LILRB2: variants seen among roughly 807,000 people sequenced by gnomAD.
LILRB2 encodes the protein leukocyte immunoglobulin-like receptor subfamily B member 2.
LILRB2 carries 47 observed loss-of-function variants against 72.7 expected under a neutral mutation model. The observed-to-expected ratio is 0.65, with a 90% CI of 0.51 to 0.82. The LOEUF (loss-of-function observed/expected upper bound fraction) is 0.82, where lower values mean the gene tolerates loss of function less well. LILRB2 is among the 40% of genes least tolerant of loss of function. The pLI is 0.00. For synonymous variants in LILRB2, 279 were observed against 313.7 expected (o/e 0.89, Z 1.17); for missense variants, 767 against 764.8 (o/e 1.00, Z -0.03).
Position 54,281,066 on chromosome 19 carries a change from G to T in LILRB2, c.-154C>A, listed in dbSNP as rs1430512361. ...GAAGCATCTCGCCTCTGGCTGTGCT[G>T]TCCAGGTTGAGCTGTGTGTGGCAGT... On this transcript the variant is annotated 5_prime_UTR_variant, in exon 1 of 14. Coordinates refer to ENST00000314446, the MANE Select transcript of LILRB2 (RefSeq NM_001080978.4). The T allele has an allele frequency of 6.5e-6, 3 of 458,492 alleles. No individual in the cohort carries two copies. Among genetic ancestry groups the T allele is most frequent in the Non-Finnish European group, 1.3e-5 (3 of 234,158 alleles). The allele number at this position is 458,492 out of a possible 1,614,324, so 28.4% of individuals were successfully genotyped here.
At chr19:54,275,023 G>T (rs183838614) in intron 13 of LILRB2, 194 bp from the exon 14 acceptor site, 17,402 of 1,597,154 alleles carry the variant, frequency 0.011, 164 homozygotes, top group Non-Finnish European at 0.013. Flanking sequence ...GTGTTTCACC[G>T]GGGCATATGT....
intron 12 of LILRB2, 106 bp downstream of exon 12, chr19:54,276,158 A>T: frequency 6.4e-7 from 1 of 1,555,830 alleles, no homozygotes; most frequent in Non-Finnish European, 8.8e-7. Context: ...AGATGATCTC[A>T]CCCTGAGCCC....
intron 9 of LILRB2, chr19:54,277,337 G>C: frequency 4.2e-6 from 5 of 1,204,686 alleles, no homozygotes; most frequent in Non-Finnish European, 5.9e-6. Flanking sequence ...TCCCTGAGGG[G>C]CCTCCTCTCC....
Position 54,276,875 on chromosome 19 carries a change from A to G in LILRB2, c.1412T>C (p.Leu471Pro). 1 of 1,614,066 alleles carries G rather than the reference A, an allele frequency of 6.2e-7. No individual in the cohort carries two copies. Among genetic ancestry groups the G allele is most frequent in the Non-Finnish European group, 8.5e-7 (1 of 1,179,974 alleles). Reference sequence around the variant, plus strand: ...GAAGAGGAGGAGGAGGAGGAGGAGCAGTAGGACGACGGCCACCAAGATGCC... The same window carrying G: ...GAAGAGGAGGAGGAGGAGGAGGAGCGGTAGGACGACGGCCACCAAGATGCC... ...VIGILVAVVL[L>P]LLLLLLLFLI... The change falls in exon 10 of 14, where the codon CTG (leucine) becomes CCG (proline). Residue 471 changes from leucine (L) to proline (P), a missense_variant. Leu to Pro is a moderately conservative substitution (Grantham distance 98, BLOSUM62 -3). Around this residue, in one of 3 missense-constraint regions of LILRB2, gnomAD observed 162 missense variants for 176.7 expected, o/e 0.92. Transcript: ENST00000314446.
At position 54,277,196 on chromosome 19, in the gene LILRB2, G is replaced by A. The variant is rs1473105879; in HGVS notation, c.1358-267C>T. ...CAGCCCTTGTTCCTGCACCAGAGCC[G>A]AGCCCCGGAGCTGCAGGGAAAGAGC... On this transcript the variant is annotated intron_variant, in intron 9 of 13. Transcript: ENST00000314446. The A allele has an allele frequency of 1.2e-5, 19 of 1,529,132 alleles. No homozygotes were observed. In the Middle Eastern group the frequency reaches 6.5e-4, roughly 52 times the overall value. The allele number at this position is 1,529,132 out of a possible 1,614,324, so 94.7% of individuals were successfully genotyped here.
At position 54,280,297 on chromosome 19, in the gene LILRB2, GC is replaced by G; in HGVS notation, c.36del (p.Leu13Ter). 6.2e-7 allele frequency: 1 copy of G among 1,614,154 alleles called. No homozygotes were observed. Among genetic ancestry groups the G allele is most frequent in the Non-Finnish European group, 8.5e-7 (1 of 1,180,002 alleles). The stretch of plus-strand genomic sequence containing the variant: ...ACGCGGGTCCTGGGGCCCAGACTCA[GC>G]CCTGGAAGAGAGTTCCCTGTGAGGG... ...TPIVTVLICL[G>X]LSLGPRTRVQ... On this transcript the variant is annotated frameshift_variant and splice_region_variant, in exon 3 of 14. Coordinates refer to ENST00000314446, the MANE Select transcript of LILRB2 (RefSeq NM_001080978.4). LOFTEE classifies it high-confidence loss of function.
chr19:54,276,031 T>C, intron 12 of LILRB2, 28 bp from the exon 13 acceptor site: 1 of 1,612,174 alleles, frequency 6.2e-7, no homozygotes, highest in Non-Finnish European at 8.5e-7. Context: ...GGGGTTCGTC[T>C]CTTGGGAAGG....
In LILRB2 at chr19:54,279,531, C is replaced by T. The variant is rs774796329; in HGVS notation, c.472G>A (p.Glu158Lys). The T allele has an allele frequency of 1.2e-6, 2 of 1,613,530 alleles. No homozygotes were observed. Among genetic ancestry groups the T allele is most frequent in the South Asian group, 1.1e-5 (1 of 90,680 alleles). ...CATTGTGGGTGTTCATCTTCTCCTT[C>T]CTTACACAGAATGAAGCCGCCAAAT... is the stretch of plus-strand genomic sequence containing the variant. ...VAFGGFILCK[E>K]GEDEHPQCLN... The change falls in exon 5 of 14, where the codon GAA becomes AAA. Residue 158 changes from glutamate to lysine, a missense_variant. By Grantham distance (56) the Glu-to-Lys change is moderately conservative. Coordinates refer to ENST00000314446, the MANE Select transcript of LILRB2 (RefSeq NM_001080978.4).
At chr19:54,277,418 G>T in intron 9 of LILRB2, 132 bp downstream of exon 9, 1 of 1,400,170 alleles carries the variant, frequency 7.1e-7, no homozygotes, top group Non-Finnish European at 9.8e-7. Flanking sequence ...CTTTACACTT[G>T]GAGAAACTGA....
chr19:54,277,270 C>G, intron 9 of LILRB2: 1 of 1,511,550 alleles, frequency 6.6e-7, no homozygotes, highest in Non-Finnish European at 9.0e-7. Context: ...CCCCAGGTCA[C>G]CGTCTCTGCT....
chr19:54,278,952 G>C lies in LILRB2; in HGVS notation c.815C>G (p.Pro272Arg). The change falls in exon 6 of 14, where the codon CCC becomes CGC. Residue 272 changes from proline (P) to arginine (R), a missense_variant. Coordinates refer to ENST00000314446, the MANE Select transcript of LILRB2 (RefSeq NM_001080978.4). ...GTTGGCCTGGGAGAGCCCAGCCTGG[G>C]GCTGCCGGCCAGGGAGCTGGCGAAG... ...RDLRQLPGRQ[P>R]QAGLSQANFT... is the part of the protein sequence containing the mutation. 1 of 1,614,170 alleles carries C rather than the reference G, an allele frequency of 6.2e-7. No homozygotes were observed. Among genetic ancestry groups the C allele is most frequent in the Non-Finnish European group, 8.5e-7 (1 of 1,180,008 alleles).
chr19:54,274,950 T>G, intron 13 of LILRB2, 121 bp from the exon 14 acceptor site: 5 of 1,610,416 alleles, frequency 3.1e-6, no homozygotes, highest in Middle Eastern at 4.3e-4. Context: ...GTCTGTCCTT[T>G]GTGTCCAGGA....
At position 54,278,303 on chromosome 19, in the gene LILRB2, G is replaced by C. The variant is rs1354856116; in HGVS notation, c.1215C>G (p.Tyr405Ter). ...RCYGSLNSDP[Y>*]LLSHPSEPLE... is the part of the protein sequence containing the mutation. The stretch of plus-strand genomic sequence containing the variant: ...GGGGCTCACTGGGGTGAGACAGCAG[G>C]TAGGGGTCGGAGTTGAGTGAGCCGT... Residue 405 changes from tyrosine to a stop codon, truncating the protein, a stop_gained, in exon 7 of 14, where the codon TAC (tyrosine) becomes TAG (stop). Coordinates refer to ENST00000314446, the MANE Select transcript of LILRB2 (RefSeq NM_001080978.4). LOFTEE classifies it high-confidence loss of function. The C allele has an allele frequency of 6.2e-7, 1 of 1,614,218 alleles. No homozygotes were observed. The highest frequency in any genetic ancestry group is 8.5e-7 in the Non-Finnish European group (1 of 1,180,026).
At chr19:54,276,993 G>C (rs1238095429) in intron 9 of LILRB2, 64 bp from the exon 10 acceptor site, 14 of 1,553,032 alleles carry the variant, frequency 9.0e-6, no homozygotes, top group Non-Finnish European at 1.2e-5. Context: ...CTGTGTGCAG[G>C]TGACTGCTGG....
rs371062389 is a variant in LILRB2 at position 54,278,584 on chromosome 19, G to T, written c.956-22C>A. The T allele has an allele frequency of 1.2e-5, 20 of 1,611,956 alleles. No individual in the cohort carries two copies. The African/African-American group carries it at 2.5e-4, about 20-fold the overall frequency. On this transcript the variant is annotated intron_variant, in intron 6 of 13. Transcript: ENST00000314446. Reference sequence around the variant, plus strand: ...TGTCCTGGAGAGAAGAAGGATGGGTGAGGGGCTGCCCCACCTTGCTCTGAG... The same window carrying T: ...TGTCCTGGAGAGAAGAAGGATGGGTTAGGGGCTGCCCCACCTTGCTCTGAG...
intron 7 of LILRB2, 147 bp downstream of exon 7, chr19:54,278,113 T>C (rs2080331645): frequency 8.1e-7 from 1 of 1,233,172 alleles, no homozygotes; most frequent in African/African-American, 1.5e-5. Context: ...GGAGGGCCTG[T>C]TGTCCTCCTT....
Position 54,280,255 on chromosome 19 carries a change from C to G in LILRB2, c.70+9G>C, listed in dbSNP as rs765614184. 1.9e-6 allele frequency: 3 copies of G among 1,613,900 alleles called. No homozygotes were observed. In the South Asian group the frequency reaches 3.3e-5, roughly 18 times the overall value. ...AGGAGGGACCTGGGAGAGCTGGGGA[C>G]AGACTCACCTGTCTGCACGCGGGTC... On this transcript the variant is annotated intron_variant, in intron 3 of 13. Transcript: ENST00000314446.
intron 12 of LILRB2, 76 bp from the exon 13 acceptor site, chr19:54,276,079 G>A: frequency 6.3e-7 from 1 of 1,584,890 alleles, no homozygotes; most frequent in South Asian, 1.1e-5. Context: ...CCCCTGCCCT[G>A]CTCCCAGATG....
chr19:54,276,541 C>T (rs2080237060), intron 10 of LILRB2, 85 bp from the exon 11 acceptor site: 1 of 1,276,112 alleles, frequency 7.8e-7, no homozygotes, highest in East Asian at 2.5e-5. Context: ...AGGAAGGAAA[C>T]CTAAAAACAC....
Sources: allele counts gnomAD v4.1 joint callset, GRCh38; gene constraint gnomAD v4.1.1; regional missense constraint gnomAD v4.1.1; transcripts MANE v1.5; gene names NCBI Gene and HGNC (gene_info 2026-07-23, HGNC 2026-07-21).